SCN9A: variants seen among roughly 807,000 people sequenced by gnomAD.
SCN9A encodes sodium voltage-gated channel alpha subunit 9.
In SCN9A, 131 loss-of-function variants were observed where a neutral mutation model predicts 187.0. That is an observed-to-expected ratio of 0.70 (90% CI 0.61 to 0.81). The LOEUF is 0.81. Among genes scored for constraint, SCN9A ranks in the 30% least tolerant of loss-of-function variants. The probability of loss-of-function intolerance (pLI) is 0.00; values close to 1 mark genes in which losing one functional copy is unlikely to be tolerated. For missense variants in SCN9A, 2,252 were observed against 2,396.6 expected, an observed-to-expected ratio of 0.94 and a Z score of 1.26; for synonymous variants, 809 against 808.6, an observed-to-expected ratio of 1.00 and a Z score of -0.01.
rs1024458577 is a variant in SCN9A, at chr2:166,327,518, G to C, written c.-50-15712C>G. Among the ~76,000 whole-genome samples, 4 of 151,960 alleles carry C rather than the reference G, an allele frequency of 2.6e-5. No homozygotes were observed. The East Asian group carries it at 7.7e-4, about 29-fold the overall frequency. The stretch of plus-strand genomic sequence containing the variant: ...TTTATCTTACTCTTCCCCTAGTCTA[G>C]ATTCAGTAAAAACAATGGTTGTAAT... On this transcript the variant is annotated intron_variant, in intron 1 of 26. Coordinates refer to ENST00000642356, the MANE Select transcript of SCN9A (RefSeq NM_001365536.1).
chr2:166,314,890 G>C (rs903318478), intron 1 of SCN9A, among the ~76,000 whole-genome samples: 1 of 152,174 alleles, frequency 6.6e-6, no homozygotes, highest in African/African-American at 2.4e-5. Context: ...ACTACATAAT[G>C]ATGATTGTTG....
At chr2:166,221,686 T>C (rs4295022) in intron 24 of SCN9A, among the ~76,000 whole-genome samples, 134,241 of 152,208 alleles carry the variant, frequency 0.88, 59,265 homozygotes, top group East Asian at 0.95. Context: ...GCATGAGCCA[T>C]TGCACCCAGT....
Position 166,286,606 on chromosome 2 carries a change from C to A in SCN9A, c.1332G>T (p.Ala444=). 2 of 1,552,760 alleles carry A rather than the reference C, an allele frequency of 1.3e-6. No individual in the cohort carries two copies. Among genetic ancestry groups the A allele is most frequent in the Non-Finnish European group, 1.7e-6 (2 of 1,154,612 alleles). Residue 444 remains alanine, a synonymous_variant, in exon 11 of 27, where the codon GCG becomes GCT. Transcript: ENST00000642356. ...QEEAEAIAAA[A]AEYTSIRRSR... ...TTCTCCTAATACTTGTATATTCAGC[C>A]GCTGCCGCTGCAATTGCCTGGTTGG...
At chr2:166,260,241 A>C (rs1696450564) in intron 17 of SCN9A, among the ~76,000 whole-genome samples, 1 of 151,886 alleles carries the variant, frequency 6.6e-6, no homozygotes, top group African/African-American at 2.4e-5. Context: ...CATAATAATA[A>C]GCATATTTAA....
rs749422762 is a variant in SCN9A at position 166,359,040 on chromosome 2, T to C, written c.-51+16657A>G. 5.3e-5 allele frequency among the ~76,000 whole-genome samples: 8 copies of C among 152,202 alleles called. No individual in the cohort carries two copies. The South Asian group carries it at 1.4e-3, about 28-fold the overall frequency. ...ATTTCTTTCAACCTATTTAAGATGC[T>C]ACCTTTATAATTCTCATATGTAACT... On this transcript the variant is annotated intron_variant, in intron 1 of 26. Coordinates refer to ENST00000642356, the MANE Select transcript of SCN9A (RefSeq NM_001365536.1).
chr2:166,292,657 CA>C (rs1433167753), intron 9 of SCN9A, among the ~76,000 whole-genome samples: 2 of 152,072 alleles, frequency 1.3e-5, no homozygotes, highest in Admixed American at 1.3e-4. Flanking sequence ...ACCACAGCCC[CA>C]AGAGGTTCAC....
intron 21 of SCN9A, among the ~76,000 whole-genome samples, chr2:166,229,869 C>G (rs1400054598): frequency 1.3e-5 from 2 of 152,144 alleles, no homozygotes; most frequent in Non-Finnish European, 2.9e-5. Flanking sequence ...CTTAATCTTT[C>G]AAAACCTACC....
chr2:166,204,311 T>G, intron 25 of SCN9A, 49 bp downstream of exon 25: 1 of 1,560,528 alleles, frequency 6.4e-7, no homozygotes, highest in East Asian at 2.3e-5. Flanking sequence ...AAAAATGAAT[T>G]AGAAATAATT....
chr2:166,270,688 G>C (rs1224337973), intron 17 of SCN9A, among the ~76,000 whole-genome samples: 1 of 150,858 alleles, frequency 6.6e-6, no homozygotes, highest in South Asian at 2.1e-4. Flanking sequence ...GCAGCGGTGC[G>C]ATCTTGGCTT....
At chr2:166,206,989 A>C (rs1693837153) in intron 24 of SCN9A, among the ~76,000 whole-genome samples, 1 of 152,192 alleles carries the variant, frequency 6.6e-6, no homozygotes, top group Non-Finnish European at 1.5e-5. Context: ...ACAGTAAATA[A>C]CATAACATCT....
intron 1 of SCN9A, among the ~76,000 whole-genome samples, chr2:166,327,420 G>C (rs1179906045): frequency 6.6e-6 from 1 of 152,156 alleles, no homozygotes; most frequent in Admixed American, 6.5e-5. Context: ...GCCTCCCAAA[G>C]TGCTGGGGTT....
At chr2:166,291,943 T>C (rs142519073) in intron 9 of SCN9A, among the ~76,000 whole-genome samples, 1,576 of 152,168 alleles carry the variant, frequency 0.01, 29 homozygotes, top group African/African-American at 0.036. Flanking sequence ...AAAGACTTAA[T>C]GTAAAACCCC....
At chr2:166,231,130 A>C (rs952317508) in intron 21 of SCN9A, among the ~76,000 whole-genome samples, 4 of 152,210 alleles carry the variant, frequency 2.6e-5, no homozygotes, top group Non-Finnish European at 4.4e-5. Flanking sequence ...GAGCAAACAG[A>C]GTTAAATAGT....
intron 1 of SCN9A, among the ~76,000 whole-genome samples, chr2:166,312,179 C>A (rs1252835251): frequency 6.6e-6 from 1 of 152,150 alleles, no homozygotes; most frequent in Admixed American, 6.5e-5. Flanking sequence ...CACCACTCTC[C>A]AGCCTGATGC....
At chr2:166,343,670 G>T (rs1699837076) in intron 1 of SCN9A, among the ~76,000 whole-genome samples, 2 of 152,072 alleles carry the variant, frequency 1.3e-5, no homozygotes, top group South Asian at 4.1e-4. Flanking sequence ...AGGCCGAGGG[G>T]AGTGGATCTC....
chr2:166,292,346 T>G (rs1698112044), intron 9 of SCN9A, among the ~76,000 whole-genome samples: 2 of 152,150 alleles, frequency 1.3e-5, no homozygotes, highest in South Asian at 4.1e-4. Context: ...TTACCTCTGA[T>G]GAAAAATTAT....
chr2:166,296,093 A>G (rs1574888263), intron 7 of SCN9A: 2 of 152,332 alleles, frequency 1.3e-5, no homozygotes, highest in East Asian at 1.9e-4. Context: ...GAAATCAGAT[A>G]TTCTTGGATT....
intron 21 of SCN9A, among the ~76,000 whole-genome samples, chr2:166,231,106 A>T (rs963658813): frequency 6.6e-6 from 1 of 152,242 alleles, no homozygotes; most frequent in African/African-American, 2.4e-5. Context: ...CCTGTAATAC[A>T]GATAAAGAAC....
At chr2:166,348,337 C>T (rs1166680890) in intron 1 of SCN9A, among the ~76,000 whole-genome samples, 2 of 151,922 alleles carry the variant, frequency 1.3e-5, no homozygotes, top group Non-Finnish European at 1.5e-5. Context: ...TATTTTAACC[C>T]GCTCATTTAA....
Sources: allele counts gnomAD v4.1 joint callset (sites outside exome capture counted in the v4.1 genomes callset), GRCh38; gene constraint gnomAD v4.1.1; transcripts MANE v1.5; gene names NCBI Gene and HGNC (gene_info 2026-07-23, HGNC 2026-07-21).